DHX29: variants seen among roughly 807,000 people sequenced by gnomAD.
The protein encoded by DHX29 is DExH-box helicase 29.
A neutral mutation model predicts 167.9 loss-of-function variants in DHX29; 79 were observed. That is an observed-to-expected ratio of 0.47 (90% CI 0.39 to 0.57). The LOEUF (loss-of-function observed/expected upper bound fraction) is 0.57, where lower values mean the gene tolerates loss of function less well. Among genes scored for constraint, DHX29 ranks in the 20% least tolerant of loss-of-function variants. The pLI is 0.00. For missense variants in DHX29, 1,347 were observed against 1,593.4 expected, an observed-to-expected ratio of 0.85 and a Z score of 2.63; for synonymous variants, 530 against 546.0, an observed-to-expected ratio of 0.97 and a Z score of 0.41.
intron 1 of DHX29, among the ~76,000 whole-genome samples, chr5:55,306,114 T>C (rs1327014048): frequency 1.3e-5 from 2 of 152,244 alleles, no homozygotes; most frequent in African/African-American, 2.4e-5. Context: ...AGAAATTCTA[T>C]GTATTTGTAA....
At chr5:55,295,046 G>A (rs1267736709) in intron 5 of DHX29, 2 of 193,690 alleles carry the variant, frequency 1.0e-5, no homozygotes, top group African/African-American at 2.3e-5. Context: ...GTAAACAGAG[G>A]GATGCCTGGC....
rs112028693 is a variant in DHX29 at position 55,289,385 on chromosome 5, C to T, written c.951G>A (p.Met317Ile). The change falls in exon 8 of 27, where the codon ATG becomes ATA. Residue 317 changes from methionine to isoleucine, a missense_variant. Met to Ile is a conservative substitution (Grantham distance 10). Coordinates refer to ENST00000251636, the MANE Select transcript of DHX29 (RefSeq NM_019030.4). The stretch of plus-strand genomic sequence containing the variant: ...TTTCATTTTGTTGATGTGAAATCTT[C>T]ATGGCTGGGTTAAATACTGGATGGT... ...LEDHPVFNPAMKISHQQNERK... is the reference protein window; with the variant it reads ...LEDHPVFNPAIKISHQQNERK... 9.7e-4 allele frequency: 1,545 copies of T among 1,599,252 alleles called. 12 individuals are homozygous for T. In the Middle Eastern group the frequency reaches 0.018, roughly 19 times the overall value.
chr5:55,275,751 AT>A (rs1747075793), intron 14 of DHX29, among the ~76,000 whole-genome samples: 1 of 151,830 alleles, frequency 6.6e-6, no homozygotes, highest in Non-Finnish European at 1.5e-5. Flanking sequence ...GTATGTATGT[AT>A]GTATGTATGT....
Position 55,276,411 on chromosome 5 carries a change from A to G in DHX29, c.2287-5T>C, listed in dbSNP as rs766412272. 1 of 1,587,774 alleles carries G rather than the reference A, an allele frequency of 6.3e-7. No individual in the cohort carries two copies. The highest frequency in any genetic ancestry group is 8.5e-7 in the Non-Finnish European group (1 of 1,170,604). On this transcript the variant is annotated splice_polypyrimidine_tract_variant and splice_region_variant and intron_variant, in intron 13 of 26. Transcript: ENST00000251636. The stretch of plus-strand genomic sequence containing the variant: ...TATATCTTCAAGATGAAAAACCTGC[A>G]TAGAATAAGGCATATAAATGGGTGA...
chr5:55,305,440 A>AT (rs1748811785), intron 1 of DHX29, among the ~76,000 whole-genome samples: 1 of 152,238 alleles, frequency 6.6e-6, no homozygotes, highest in Non-Finnish European at 1.5e-5. Context: ...GGAATTATTA[A>AT]AAGGTTAGAA....
At chr5:55,259,420 A>T (rs1006911534) in intron 26 of DHX29, among the ~76,000 whole-genome samples, 5 of 152,246 alleles carry the variant, frequency 3.3e-5, no homozygotes, top group Non-Finnish European at 5.9e-5. Context: ...ACAAAAAAAA[A>T]TTTCTAGAAT....
At chr5:55,271,983 ATTTAGGATTTTCCCTAAATAAT>A in intron 18 of DHX29, 82 bp downstream of exon 18, 1 of 660,844 alleles carries the variant, frequency 1.5e-6, no homozygotes. Flanking sequence ...GAACTAGGAC[ATTTAGGATTTTCCCTAAATAAT>A]TTTAGGATTT....
intron 8 of DHX29, 101 bp from the exon 9 acceptor site, chr5:55,285,962 A>G (rs995946319): frequency 1.0e-6 from 1 of 971,688 alleles, no homozygotes. Flanking sequence ...CTTTTAGAAG[A>G]TAATACTTGA....
At chr5:55,267,345 G>A in intron 22 of DHX29, 114 bp from the exon 23 acceptor site, 1 of 758,096 alleles carries the variant, frequency 1.3e-6, no homozygotes. Context: ...TTTAAAAGGG[G>A]AGGGATCTTG....
Position 55,274,682 on chromosome 5 carries a change from T to C in DHX29, c.2622A>G (p.Leu874=), listed in dbSNP as rs753597382. 1 of 1,604,390 alleles carries C rather than the reference T, an allele frequency of 6.2e-7. No homozygotes were observed. Among genetic ancestry groups the C allele is most frequent in the South Asian group, 1.1e-5 (1 of 89,100 alleles). The change falls in exon 16 of 27, where the codon TTA becomes TTG. Residue 874 remains leucine, a synonymous_variant. Coordinates refer to ENST00000251636, the MANE Select transcript of DHX29 (RefSeq NM_019030.4). ...ACTGCTGAATATGAGCAAGTCCTGG[T>C]AAAAAGATCAATACTGCTCCTTCAA... ...RNIEGAVLIF[L]PGLAHIQQLY... is the part of the protein sequence containing the mutation.
chr5:55,298,640 G>C lies in DHX29; in HGVS notation c.212C>G (p.Ser71Cys). 1 of 1,536,638 alleles carries C rather than the reference G, an allele frequency of 6.5e-7. No individual in the cohort carries two copies. The highest frequency in any genetic ancestry group is 1.4e-5 in the African/African-American group (1 of 73,374). The change falls in exon 2 of 27, where the codon TCT becomes TGT. Residue 71 changes from serine to cysteine, a missense_variant. Coordinates refer to ENST00000251636, the MANE Select transcript of DHX29 (RefSeq NM_019030.4). ...TGCAGGACCACTAGAATCATTTGTA[G>C]AATTAAAACTATAAATTTTTGGACC... is the stretch of plus-strand genomic sequence containing the variant. ...KQGPKIYSFN[S>C]TNDSSGPANL...
rs1747978602 is a variant in DHX29 at position 55,290,360 on chromosome 5, C to T, written c.781-16G>A. 6.4e-7 allele frequency: 1 copy of T among 1,557,832 alleles called. No homozygotes were observed. ...ACCTTTCATTCTGTTCCAAATAAAA[C>T]AATGAGGAGGGGGAAAAAAAAAGAA... On this transcript the variant is annotated splice_polypyrimidine_tract_variant and intron_variant, in intron 6 of 26. Coordinates refer to ENST00000251636, the MANE Select transcript of DHX29 (RefSeq NM_019030.4).
chr5:55,298,390 T>C (rs1748425499), intron 2 of DHX29, among the ~76,000 whole-genome samples: 1 of 152,240 alleles, frequency 6.6e-6, no homozygotes, highest in Non-Finnish European at 1.5e-5. Context: ...AGTTTAGATC[T>C]TAACCAGGCC....
At chr5:55,303,993 A>AC (rs942698142) in intron 1 of DHX29, among the ~76,000 whole-genome samples, 1 of 152,216 alleles carries the variant, frequency 6.6e-6, no homozygotes, top group Non-Finnish European at 1.5e-5. Flanking sequence ...TTTCAGAAAC[A>AC]CAAGCCTCTT....
chr5:55,283,075 T>C, intron 11 of DHX29, 128 bp downstream of exon 11: 1 of 1,001,098 alleles, frequency 1.0e-6, no homozygotes, highest in Non-Finnish European at 1.4e-6. Flanking sequence ...GAAAAGTGCC[T>C]GAAATGTGCT....
At chr5:55,267,304 T>A in intron 22 of DHX29, 73 bp from the exon 23 acceptor site, 1 of 1,078,786 alleles carries the variant, frequency 9.3e-7, no homozygotes, top group Non-Finnish European at 1.4e-6. Flanking sequence ...TCAGAGCTAG[T>A]AACCAAAGTA....
At chr5:55,269,663 T>C in intron 20 of DHX29, 26 bp from the exon 21 acceptor site, 2 of 1,580,644 alleles carry the variant, frequency 1.3e-6, no homozygotes, top group Non-Finnish European at 1.7e-6. Context: ...GCAATAAAAT[T>C]GGTATGAAAT....
chr5:55,283,621 T>C lies in DHX29; in HGVS notation c.1547A>G (p.Asn516Ser). The change falls in exon 11 of 27, where the codon AAC (asparagine) becomes AGC (serine). Residue 516 changes from asparagine (N) to serine (S), a missense_variant. By Grantham distance (46) the Asn-to-Ser change is conservative. Transcript: ENST00000251636. The stretch of plus-strand genomic sequence containing the variant: ...CCAAGATTCCTCGGGATCTTCAGAG[T>C]TTTCTCTCTTATTTTCAGAATGCTG... Reference protein sequence around the residue: ...QQQHSENKRENSEDPEESWEN... With the variant: ...QQQHSENKRESSEDPEESWEN... 6.2e-7 allele frequency: 1 copy of C among 1,613,958 alleles called. No individual in the cohort carries two copies. Among genetic ancestry groups the C allele is most frequent in the Non-Finnish European group, 8.5e-7 (1 of 1,179,978 alleles).
intron 11 of DHX29, among the ~76,000 whole-genome samples, chr5:55,281,916 G>C (rs577790682): frequency 1.3e-5 from 2 of 151,474 alleles, no homozygotes; most frequent in South Asian, 4.2e-4. Flanking sequence ...CTCCCACATA[G>C]CTGGGATTAC....
Sources: allele counts gnomAD v4.1 joint callset (sites outside exome capture counted in the v4.1 genomes callset), GRCh38; gene constraint gnomAD v4.1.1; transcripts MANE v1.5; gene names NCBI Gene and HGNC (gene_info 2026-07-23, HGNC 2026-07-21).